Variants in DRD2 observed in about 807,000 individuals in gnomAD.
The protein encoded by DRD2 is D(2) dopamine receptor.
DRD2 carries 8 observed loss-of-function variants against 38.0 expected under a neutral mutation model. That is an observed-to-expected ratio of 0.21 (90% CI 0.12 to 0.38). The LOEUF (loss-of-function observed/expected upper bound fraction) is 0.38. Among genes scored for constraint, DRD2 ranks in the 10% least tolerant of loss-of-function variants. The pLI is 1.00. For missense variants in DRD2, 403 were observed against 607.7 expected (o/e 0.66, Z 3.54); for synonymous variants, 230 against 238.6 (o/e 0.96, Z 0.33).
chr11:113,417,130 G>C, intron 3 of DRD2, 131 bp from the exon 4 acceptor site: 1 of 1,348,650 alleles, frequency 7.4e-7, no homozygotes, highest in Non-Finnish European at 1.0e-6. Flanking sequence ...GCTTGCCTGA[G>C]ATGCTAACTC....
intron 2 of DRD2, among the ~76,000 whole-genome samples, chr11:113,422,559 T>TC (rs1184571636): frequency 1.3e-5 from 2 of 152,162 alleles, no homozygotes; most frequent in Admixed American, 1.3e-4. Flanking sequence ...TAAACATGGA[T>TC]CCAGGGGGAA....
At chr11:113,420,360 T>C (rs2138172478) in intron 2 of DRD2, among the ~76,000 whole-genome samples, 1 of 152,306 alleles carries the variant, frequency 6.6e-6, no homozygotes, top group African/African-American at 2.4e-5. Flanking sequence ...CACTGGCCTA[T>C]CTGGAGCCCA....
At chr11:113,449,624 A>C (rs1441514689) in intron 1 of DRD2, among the ~76,000 whole-genome samples, 2 of 152,144 alleles carry the variant, frequency 1.3e-5, no homozygotes, top group Non-Finnish European at 2.9e-5. Context: ...GGGCTAGCAG[A>C]GTGACGGCCA....
At chr11:113,458,819 C>G (rs1174907559) in intron 1 of DRD2, among the ~76,000 whole-genome samples, 2 of 152,138 alleles carry the variant, frequency 1.3e-5, no homozygotes, top group Non-Finnish European at 2.9e-5. Flanking sequence ...ATCCTCTTTA[C>G]AAATGTTCAG....
At chr11:113,450,260 T>C (rs933872543) in intron 1 of DRD2, among the ~76,000 whole-genome samples, 3 of 152,154 alleles carry the variant, frequency 2.0e-5, no homozygotes, top group African/African-American at 7.2e-5. Flanking sequence ...CATCCTCTAC[T>C]CACACCATCT....
At chr11:113,448,701 C>T (rs1006280495) in intron 1 of DRD2, among the ~76,000 whole-genome samples, 3 of 152,144 alleles carry the variant, frequency 2.0e-5, no homozygotes, top group Admixed American at 1.3e-4. Context: ...TTGTCACTTC[C>T]GAGAGGGGAC....
At chr11:113,442,685 G>A (rs1463985542) in intron 1 of DRD2, among the ~76,000 whole-genome samples, 1 of 152,150 alleles carries the variant, frequency 6.6e-6, no homozygotes, top group African/African-American at 2.4e-5. Context: ...GGTTCCATTT[G>A]CTTTAGACTT....
intron 1 of DRD2, among the ~76,000 whole-genome samples, chr11:113,429,738 G>T (rs760248449): frequency 6.6e-5 from 10 of 152,182 alleles, no homozygotes; most frequent in Non-Finnish European, 1.3e-4. Context: ...TAGCCTGAGA[G>T]GTGCTAGTAT....
At chr11:113,426,871 G>A (rs183799421) in intron 1 of DRD2, among the ~76,000 whole-genome samples, 8 of 152,318 alleles carry the variant, frequency 5.3e-5, no homozygotes, top group South Asian at 2.1e-4. Flanking sequence ...AGCCCACAGC[G>A]GGAGGCCTGC....
chr11:113,420,032 G>A (rs1291873807), intron 2 of DRD2, among the ~76,000 whole-genome samples: 1 of 152,162 alleles, frequency 6.6e-6, no homozygotes, highest in African/African-American at 2.4e-5. Flanking sequence ...AGGAGGGTAC[G>A]TAAAGGGCTT....
intron 1 of DRD2, among the ~76,000 whole-genome samples, chr11:113,436,024 T>C (rs550222970): frequency 2.0e-5 from 3 of 152,196 alleles, no homozygotes; most frequent in African/African-American, 7.2e-5. Context: ...ACGATCACAC[T>C]GCTGGAAACC....
intron 1 of DRD2, among the ~76,000 whole-genome samples, chr11:113,453,603 A>C (rs1029874399): frequency 6.6e-6 from 1 of 152,238 alleles, no homozygotes; most frequent in African/African-American, 2.4e-5. Flanking sequence ...TAGAAATGCT[A>C]AGCAATGTAG....
intron 1 of DRD2, among the ~76,000 whole-genome samples, chr11:113,448,606 A>T (rs988617177): frequency 6.6e-6 from 1 of 152,246 alleles, no homozygotes; most frequent in Non-Finnish European, 1.5e-5. Flanking sequence ...CAGGAGGAAG[A>T]CAGAGCCAGA....
At chr11:113,469,005 A>T (rs1951396624) in intron 1 of DRD2, among the ~76,000 whole-genome samples, 1 of 152,110 alleles carries the variant, frequency 6.6e-6, no homozygotes, top group African/African-American at 2.4e-5. Context: ...AAACCCAAAG[A>T]CCTAATTGTT....
At chr11:113,417,196 CACTT>C (rs1236921026) in intron 3 of DRD2, among the ~76,000 whole-genome samples, 197 bp from the exon 4 acceptor site, 6 of 152,230 alleles carry the variant, frequency 3.9e-5, no homozygotes, top group Admixed American at 2.0e-4. Context: ...AAAGCCCAAA[CACTT>C]AATCACTGGT....
At chr11:113,424,008 G>A (rs1950911685) in intron 2 of DRD2, among the ~76,000 whole-genome samples, 1 of 152,140 alleles carries the variant, frequency 6.6e-6, no homozygotes, top group African/African-American at 2.4e-5. Flanking sequence ...GGACTTGCCA[G>A]CCGTGTGATG....
chr11:113,431,570 G>A (rs1454100357), intron 1 of DRD2, among the ~76,000 whole-genome samples: 1 of 152,180 alleles, frequency 6.6e-6, no homozygotes, highest in Non-Finnish European at 1.5e-5. Flanking sequence ...ATATCTTTCA[G>A]AGTCATCCAT....
intron 1 of DRD2, among the ~76,000 whole-genome samples, chr11:113,445,723 C>A (rs1312277452): frequency 6.6e-6 from 1 of 152,236 alleles, no homozygotes; most frequent in Non-Finnish European, 1.5e-5. Flanking sequence ...TCGTAGCCAT[C>A]ATTTTAAGCA....
rs1950816182 is a variant in DRD2, at chr11:113,415,448, G to A, written c.696C>T (p.Phe232=). 4 of 1,613,876 alleles carry A rather than the reference G, an allele frequency of 2.5e-6. No individual in the cohort carries two copies. Among genetic ancestry groups the A allele is most frequent in the African/African-American group, 2.7e-5 (2 of 75,056 alleles). Residue 232 remains phenylalanine, a synonymous_variant, in exon 5 of 8, where the codon TTC becomes TTT. Coordinates refer to ENST00000362072, the MANE Select transcript of DRD2 (RefSeq NM_000795.4). ...TTAGTGGAGCCCTCAGGTGGGCCCTGAAAGCTCGGCTGCTGCGTTTGGTGT... is the reference window on the plus strand; with the variant it reads ...TTAGTGGAGCCCTCAGGTGGGCCCTAAAAGCTCGGCTGCTGCGTTTGGTGT... ...RVNTKRSSRA[F]RAHLRAPLKG...
Sources: allele counts gnomAD v4.1 joint callset (sites outside exome capture counted in the v4.1 genomes callset), GRCh38; gene constraint gnomAD v4.1.1; transcripts MANE v1.5; gene names NCBI Gene and HGNC (gene_info 2026-07-23, HGNC 2026-07-21).